AAMDC: variants seen among roughly 807,000 people sequenced by gnomAD.
AAMDC encodes adipogenesis associated Mth938 domain containing, also known as mth938 domain-containing protein.
In AAMDC, 16 loss-of-function variants were observed where a neutral mutation model predicts 15.5. That is an observed-to-expected ratio of 1.03 (90% CI 0.70 to 1.57). The LOEUF is 1.57. Ranked by LOEUF, AAMDC falls within the 40% of genes most tolerant of loss-of-function variation. AAMDC has a pLI of 0.00. For synonymous variants in AAMDC, 51 were observed against 51.6 expected (o/e 0.99, Z 0.05); for missense variants, 141 against 144.9 (o/e 0.97, Z 0.14).
intron 5 of AAMDC, among the ~76,000 whole-genome samples, chr11:77,881,040 T>C (rs1951772824): frequency 6.6e-6 from 1 of 152,002 alleles, no homozygotes; most frequent in Admixed American, 6.5e-5. Context: ...TTACCAACAT[T>C]TGATAAGAAT....
At chr11:77,858,709 T>C (rs1318692570) in intron 2 of AAMDC, among the ~76,000 whole-genome samples, 3 of 152,054 alleles carry the variant, frequency 2.0e-5, no homozygotes, top group Non-Finnish European at 4.4e-5. Flanking sequence ...AATTGGGGCA[T>C]AGTAGGGGTT....
At chr11:77,903,647 G>C, downstream of AAMDC, 4 of 1,576,142 alleles carry the variant, frequency 2.5e-6, no homozygotes, top group Non-Finnish European at 3.5e-6. Context: ...GGAGGGAACA[G>C]AATACCGAGG....
chr11:77,855,188 G>A (rs930448968), intron 2 of AAMDC, among the ~76,000 whole-genome samples: 1 of 152,212 alleles, frequency 6.6e-6, no homozygotes, highest in Non-Finnish European at 1.5e-5. Flanking sequence ...GTGATGGGAG[G>A]AGCTACTGTG....
chr11:77,872,825 G>A (rs1590981753), downstream of AAMDC, among the ~76,000 whole-genome samples: 9 of 152,340 alleles, frequency 5.9e-5, 1 homozygote, highest in South Asian at 1.9e-3. Flanking sequence ...GCACGAGCCT[G>A]TAATCCCAGC....
At chr11:77,845,444 T>TGGG (rs35874548) in intron 2 of AAMDC, among the ~76,000 whole-genome samples, 1 of 151,700 alleles carries the variant, frequency 6.6e-6, no homozygotes, top group Non-Finnish European at 1.5e-5. Flanking sequence ...TTTTTTTTGG[T>TGGG]GGGGGGGATA....
intron 5 of AAMDC, chr11:77,891,276 A>G: frequency 1.3e-6 from 2 of 1,590,168 alleles, no homozygotes; most frequent in South Asian, 1.1e-5. Context: ...ACTTCAACAC[A>G]ATGTCAGTCT....
At chr11:77,846,863 C>T (rs1950169858) in intron 2 of AAMDC, among the ~76,000 whole-genome samples, 1 of 151,990 alleles carries the variant, frequency 6.6e-6, no homozygotes, top group Admixed American at 6.6e-5. Context: ...TTTGTAGGAA[C>T]CCTGAATAAT....
rs1281566954 is a variant in AAMDC, at chr11:77,833,012, T to A, written c.-18-9467T>A. 9.7e-3 allele frequency among the ~76,000 whole-genome samples: 1,264 copies of A among 130,852 alleles called. 65 individuals carry two copies. Among genetic ancestry groups the A allele is most frequent in the Non-Finnish European group, 0.015 (932 of 61,762 alleles). 85.8% of individuals were successfully genotyped at this position (130,852 alleles called of 152,430 possible). ...GTGTGTGTGTGTATATATATATATT[T>A]TTTTTTTTTTTTTTTTTGAGACAGG... On this transcript the variant is annotated intron_variant, in intron 1 of 3. Coordinates refer to ENST00000393427, the MANE Select transcript of AAMDC (RefSeq NM_024684.4).
In AAMDC at chr11:77,854,482, CAAAG is replaced by C. The variant is rs1304304329; in HGVS notation, c.132+11857_132+11860del. ...TCCAAAAGTGAGAAATTATCCAAAA[CAAAG>C]AAGCTACAGGCCCATGCAAGTCTGA... On this transcript the variant is annotated intron_variant, in intron 2 of 3. Coordinates refer to ENST00000393427, the MANE Select transcript of AAMDC (RefSeq NM_024684.4). Among the ~76,000 whole-genome samples, 3 of 152,290 alleles carry C rather than the reference CAAAG, an allele frequency of 2.0e-5. No homozygotes were observed. In the East Asian group the frequency reaches 5.8e-4, roughly 29 times the overall value.
intron 1 of AAMDC, chr11:77,832,026 T>A (rs1420730886): frequency 6.6e-6 from 1 of 151,850 alleles, no homozygotes; most frequent in Non-Finnish European, 1.5e-5. Context: ...TCTTTTTAAA[T>A]CTTGTATGAA....
intron 5 of AAMDC, among the ~76,000 whole-genome samples, chr11:77,889,579 G>C (rs1274706016): frequency 6.6e-6 from 1 of 152,106 alleles, no homozygotes; most frequent in Non-Finnish European, 1.5e-5. Flanking sequence ...TTAATGAATG[G>C]AGTTCTGCAG....
chr11:77,868,287 C>T (rs1358779253), intron 2 of AAMDC, among the ~76,000 whole-genome samples: 1 of 151,612 alleles, frequency 6.6e-6, no homozygotes, highest in South Asian at 2.1e-4. Context: ...GATCTCCTGA[C>T]CTCGTGATCC....
intron 1 of AAMDC, among the ~76,000 whole-genome samples, chr11:77,825,356 T>C (rs1022254463): frequency 2.6e-5 from 4 of 152,034 alleles, no homozygotes; most frequent in South Asian, 2.1e-4. Flanking sequence ...TAGAGCCAAT[T>C]TGGGGAATTC....
chr11:77,824,606 AAG>A (rs1949083670), intron 1 of AAMDC, among the ~76,000 whole-genome samples: 1 of 152,190 alleles, frequency 6.6e-6, no homozygotes, highest in Non-Finnish European at 1.5e-5. Context: ...TGTTGAGTAA[AAG>A]AAGGCAGACA....
chr11:77,866,234 A>C (rs556016029), intron 2 of AAMDC, among the ~76,000 whole-genome samples: 2 of 152,328 alleles, frequency 1.3e-5, no homozygotes, highest in East Asian at 3.9e-4. Context: ...GGCATAATGG[A>C]TATTAGCTGG....
At chr11:77,863,087 C>T (rs1409729066) in intron 2 of AAMDC, among the ~76,000 whole-genome samples, 2 of 152,060 alleles carry the variant, frequency 1.3e-5, no homozygotes, top group African/African-American at 4.8e-5. Context: ...CTTGGCCTCA[C>T]GGATTCCAAG....
chr11:77,902,177 C>T (rs1486910183), downstream of AAMDC, among the ~76,000 whole-genome samples: 1 of 152,186 alleles, frequency 6.6e-6, no homozygotes, highest in Non-Finnish European at 1.5e-5. Context: ...GACTCTCTTA[C>T]AATTGGCAAT....
At chr11:77,826,962 G>A (rs1336556818) in intron 1 of AAMDC, among the ~76,000 whole-genome samples, 11 of 152,028 alleles carry the variant, frequency 7.2e-5, no homozygotes, top group Admixed American at 2.0e-4. Context: ...AAAATTAGCC[G>A]GGTGTGGTGG....
chr11:77,830,987 CAAAAAAAA>C (rs59283485), intron 1 of AAMDC, among the ~76,000 whole-genome samples: 10 of 100,516 alleles, frequency 9.9e-5, no homozygotes, highest in African/African-American at 1.1e-4. Flanking sequence ...CAAAATATAC[CAAAAAAAA>C]AAAAAAAAAA....
Sources: allele counts gnomAD v4.1 joint callset (sites outside exome capture counted in the v4.1 genomes callset), GRCh38; gene constraint gnomAD v4.1.1; transcripts MANE v1.5; gene names NCBI Gene and HGNC (gene_info 2026-07-23, HGNC 2026-07-21).